The following ATP13A4 variants were observed in gnomAD, a reference collection of about 807,000 sequenced individuals.
The protein encoded by ATP13A4 is ATPase 13A4.
ATP13A4 carries 114 observed loss-of-function variants against 142.5 expected under a neutral mutation model. The observed-to-expected ratio is 0.80, with a 90% CI of 0.69 to 0.93. The LOEUF (loss-of-function observed/expected upper bound fraction) is 0.93. ATP13A4 is among the 40% of genes least tolerant of loss of function. ATP13A4 has a pLI of 0.00. For synonymous variants in ATP13A4, 488 were observed against 514.8 expected (o/e 0.95, Z 0.70); for missense variants, 1,392 against 1,454.0 (o/e 0.96, Z 0.69).
At chr3:193,571,857 AAATAAT>A (rs1162350043) in intron 2 of ATP13A4, among the ~76,000 whole-genome samples, 1 of 152,104 alleles carries the variant, frequency 6.6e-6, no homozygotes, top group Non-Finnish European at 1.5e-5. Flanking sequence ...CTGTGAAATA[AAATAAT>A]AATAATAATA....
intron 1 of ATP13A4, among the ~76,000 whole-genome samples, chr3:193,525,211 T>C (rs2108694998): frequency 6.6e-6 from 1 of 152,290 alleles, no homozygotes; most frequent in East Asian, 1.9e-4. Flanking sequence ...AGGCCAAAAA[T>C]GACAATCATA....
At chr3:193,451,384 A>T in intron 17 of ATP13A4, among the ~76,000 whole-genome samples, 1 of 152,232 alleles carries the variant, frequency 6.6e-6, no homozygotes, top group East Asian at 1.9e-4. Context: ...GTATGGTTCA[A>T]GGCACAATAA....
At chr3:193,527,588 G>C (rs1371799200) in intron 1 of ATP13A4, among the ~76,000 whole-genome samples, 2 of 151,256 alleles carry the variant, frequency 1.3e-5, no homozygotes, top group Admixed American at 6.6e-5. Context: ...CTCCAGCCTG[G>C]GCGACAGAGT....
intron 25 of ATP13A4, among the ~76,000 whole-genome samples, chr3:193,432,569 A>C (rs1260001223): frequency 6.6e-6 from 1 of 152,136 alleles, no homozygotes; most frequent in Non-Finnish European, 1.5e-5. Context: ...CTAAAAAGAA[A>C]TGAACTATCA....
In ATP13A4 at chr3:193,462,570, TG is replaced by T. The variant is rs1375399311; in HGVS notation, c.1523+191del. ...TGAGTGGCATGGGACTGGGTTGGGA[TG>T]GGGGGAAATGTGTGTGTTTTAGGGA... On this transcript the variant is annotated intron_variant, in intron 13 of 29. Coordinates refer to ENST00000342695, the MANE Select transcript of ATP13A4 (RefSeq NM_032279.4). Among the ~76,000 whole-genome samples, 14 of 152,206 alleles carry T rather than the reference TG, an allele frequency of 9.2e-5. 2 individuals are homozygous for T. Among genetic ancestry groups the T allele is most frequent in the African/African-American group, 3.1e-4 (13 of 41,544 alleles).
At chr3:193,446,897 T>C (rs933694863) in intron 18 of ATP13A4, among the ~76,000 whole-genome samples, 5 of 152,238 alleles carry the variant, frequency 3.3e-5, no homozygotes, top group Admixed American at 2.6e-4. Flanking sequence ...AGCCCCTACA[T>C]ACAGATCATT....
chr3:193,463,384 G>T (rs934741232), intron 12 of ATP13A4, among the ~76,000 whole-genome samples: 3 of 148,824 alleles, frequency 2.0e-5, no homozygotes, highest in African/African-American at 7.5e-5. Context: ...TACCTGCAGG[G>T]CACTGTGAAC....
intron 8 of ATP13A4, among the ~76,000 whole-genome samples, chr3:193,472,826 G>A (rs1490426522): frequency 6.6e-6 from 1 of 152,122 alleles, no homozygotes; most frequent in Admixed American, 6.5e-5. Flanking sequence ...ATAAAATGAC[G>A]TTAATCAGCC....
rs1226830944 is a variant in ATP13A4 at position 193,533,063 on chromosome 3, T to A, written c.61-18192A>T. Among the ~76,000 whole-genome samples the A allele has an allele frequency of 8.5e-5, 13 of 152,170 alleles. No individual in the cohort carries two copies. In the East Asian group the frequency reaches 2.3e-3, roughly 27 times the overall value. ...TGATACTTTTCTGTGTTTTCAAAACTTTATAAATAAAAATAAAGAAATATT... is the reference window on the plus strand; with the variant it reads ...TGATACTTTTCTGTGTTTTCAAAACATTATAAATAAAAATAAAGAAATATT... On this transcript the variant is annotated intron_variant, in intron 1 of 29. Transcript: ENST00000342695.
intron 1 of ATP13A4, chr3:193,553,293 A>C (rs1307269678): frequency 6.6e-6 from 1 of 152,242 alleles, no homozygotes; most frequent in Non-Finnish European, 1.5e-5. Context: ...AAGAGGTAAC[A>C]GTTTCCCTAC....
intron 1 of ATP13A4, among the ~76,000 whole-genome samples, chr3:193,588,679 C>T (rs949375752): frequency 3.9e-5 from 6 of 152,072 alleles, no homozygotes; most frequent in African/African-American, 1.2e-4. Context: ...TTTGAGCCCA[C>T]TTTATGACAC....
chr3:193,554,749 C>G lies in ATP13A4; in HGVS notation c.51G>C (p.Glu17Asp). 6.2e-7 allele frequency: 1 copy of G among 1,613,722 alleles called. No homozygotes were observed. Among genetic ancestry groups the G allele is most frequent in the Non-Finnish European group, 8.5e-7 (1 of 1,179,972 alleles). ...GTGGCTAGAATCTTACCATCTCATT[C>G]TCTTCTCCTTCATTGAGCAGAGCGT... ...GQHALLNEGE[E>D]NEMEIFGYRT... The change falls in exon 1 of 30, where the codon GAG becomes GAC. Residue 17 changes from glutamate (E) to aspartate (D), a missense_variant. Transcript: ENST00000342695.
At position 193,489,336 on chromosome 3, in the gene ATP13A4, G is replaced by A. The variant is rs540071520; in HGVS notation, c.738+394C>T. ...GTTGGACTGGGGCCTTGACAAATGAGTACCAGCCAAACATAAACAGCAAAG... is the reference window on the plus strand; with the variant it reads ...GTTGGACTGGGGCCTTGACAAATGAATACCAGCCAAACATAAACAGCAAAG... On this transcript the variant is annotated intron_variant, in intron 7 of 29. Coordinates refer to ENST00000342695, the MANE Select transcript of ATP13A4 (RefSeq NM_032279.4). Among the ~76,000 whole-genome samples the A allele has an allele frequency of 1.2e-4, 19 of 152,200 alleles. No homozygotes were observed. The South Asian group carries it at 3.7e-3, about 30-fold the overall frequency.
At chr3:193,556,194 C>T (rs540865853), upstream of ATP13A4, among the ~76,000 whole-genome samples, 5 of 152,250 alleles carry the variant, frequency 3.3e-5, no homozygotes, top group Admixed American at 2.6e-4. Flanking sequence ...ATAGAACCTA[C>T]GTCCTAAAAC....
intron 2 of ATP13A4, among the ~76,000 whole-genome samples, chr3:193,511,182 G>A (rs1721122585): frequency 1.3e-5 from 2 of 152,162 alleles, no homozygotes; most frequent in Non-Finnish European, 2.9e-5. Flanking sequence ...GATGAAAAAG[G>A]CAAGATTGAA....
At chr3:193,484,795 A>T (rs1446360161) in intron 7 of ATP13A4, among the ~76,000 whole-genome samples, 1 of 152,234 alleles carries the variant, frequency 6.6e-6, no homozygotes, top group Admixed American at 6.5e-5. Context: ...TATGGTTCTT[A>T]ACACCAAGAA....
chr3:193,573,326 T>TATATATATACATATATATATATATATAA (rs1560287433), intron 2 of ATP13A4, among the ~76,000 whole-genome samples: 1 of 78,048 alleles, frequency 1.3e-5, no homozygotes, highest in Non-Finnish European at 2.7e-5. Flanking sequence ...TATATATATA[T>TATATATATACATATATATATATATATAA]AATTTGTATC....
At chr3:193,440,503 C>A in intron 21 of ATP13A4, 55 bp downstream of exon 21, 1 of 1,611,280 alleles carries the variant, frequency 6.2e-7, no homozygotes, top group Admixed American at 1.7e-5. Flanking sequence ...TTCCACTCCC[C>A]CTGACTGTTA....
intron 1 of ATP13A4, among the ~76,000 whole-genome samples, chr3:193,547,304 A>G (rs1183900528): frequency 8.5e-5 from 13 of 152,234 alleles, no homozygotes; most frequent in Non-Finnish European, 1.2e-4. Flanking sequence ...AAAATATCCT[A>G]CCATATTACT....
Sources: allele counts gnomAD v4.1 joint callset (sites outside exome capture counted in the v4.1 genomes callset), GRCh38; gene constraint gnomAD v4.1.1; transcripts MANE v1.5; gene names NCBI Gene and HGNC (gene_info 2026-07-23, HGNC 2026-07-21).